CCSER1: variants seen among roughly 807,000 people sequenced by gnomAD.
The protein encoded by CCSER1 is serine-rich coiled-coil domain-containing protein 1.
CCSER1 carries 41 observed loss-of-function variants against 82.0 expected under a neutral mutation model. That is an observed-to-expected ratio of 0.50 (90% CI 0.39 to 0.65). CCSER1 has a LOEUF of 0.65. CCSER1 is among the 30% of genes least tolerant of loss of function. The pLI is 0.00. For synonymous variants in CCSER1, 414 were observed against 383.9 expected (o/e 1.08, Z -0.92); for missense variants, 1,119 against 1,064.2 (o/e 1.05, Z -0.72).
intron 9 of CCSER1, chr4:90,938,812 C>A: frequency 4.3e-6 from 1 of 232,248 alleles, no homozygotes. Flanking sequence ...TCAATTTTTT[C>A]ATCATTTCAT....
intron 1 of CCSER1, among the ~76,000 whole-genome samples, chr4:90,253,378 G>C (rs370313420): frequency 6.6e-6 from 1 of 152,112 alleles, no homozygotes; most frequent in Non-Finnish European, 1.5e-5. Context: ...TTCTTGAGAA[G>C]TAGATGTGCT....
At chr4:91,396,609 A>G (rs1751994261) in intron 10 of CCSER1, among the ~76,000 whole-genome samples, 1 of 152,048 alleles carries the variant, frequency 6.6e-6, no homozygotes, top group Non-Finnish European at 1.5e-5. Flanking sequence ...TTGTATTGTC[A>G]TAATTGAAGT....
intron 3 of CCSER1, among the ~76,000 whole-genome samples, chr4:90,377,088 A>G (rs1748456447): frequency 6.6e-6 from 1 of 152,032 alleles, no homozygotes; most frequent in African/African-American, 2.4e-5. Flanking sequence ...AAATGCTGTC[A>G]CTCTGGTTAT....
chr4:90,492,521 A>G (rs1768215923), intron 5 of CCSER1, among the ~76,000 whole-genome samples: 1 of 151,962 alleles, frequency 6.6e-6, no homozygotes, highest in East Asian at 1.9e-4. Flanking sequence ...TATCTCCTTC[A>G]GTTGTGCTCT....
intron 7 of CCSER1, among the ~76,000 whole-genome samples, chr4:90,785,225 A>C (rs1277783972): frequency 6.6e-6 from 1 of 151,896 alleles, no homozygotes; most frequent in African/African-American, 2.4e-5. Context: ...TTTTATGGAG[A>C]TGGGGTTTCA....
chr4:90,933,959 A>G (rs1458811888), intron 9 of CCSER1, among the ~76,000 whole-genome samples: 3 of 151,840 alleles, frequency 2.0e-5, no homozygotes, highest in African/African-American at 7.2e-5. Flanking sequence ...AATGGCACAT[A>G]TCCTTTAGAA....
intron 10 of CCSER1, among the ~76,000 whole-genome samples, chr4:91,468,512 A>C: frequency 6.6e-6 from 1 of 152,080 alleles, no homozygotes; most frequent in East Asian, 1.9e-4. Context: ...TTAAAAAAAA[A>C]AGGAAAAATA....
chr4:90,525,312 T>C (rs1773617550), intron 5 of CCSER1, among the ~76,000 whole-genome samples: 1 of 152,152 alleles, frequency 6.6e-6, no homozygotes, highest in African/African-American at 2.4e-5. Context: ...ATATAAACGA[T>C]AGCCAAATGC....
At chr4:90,653,453 A>C (rs1405044579) in intron 6 of CCSER1, among the ~76,000 whole-genome samples, 1 of 152,024 alleles carries the variant, frequency 6.6e-6, no homozygotes, top group Admixed American at 6.6e-5. Context: ...AAAAAATTTT[A>C]ATGAAACGTA....
intron 1 of CCSER1, among the ~76,000 whole-genome samples, chr4:90,181,196 A>G (rs1733669798): frequency 6.6e-6 from 1 of 152,088 alleles, no homozygotes. Flanking sequence ...CTGTGCATGT[A>G]CCCCCTGCAA....
intron 6 of CCSER1, among the ~76,000 whole-genome samples, chr4:90,637,124 G>A (rs760297940): frequency 1.2e-4 from 18 of 152,164 alleles, no homozygotes; most frequent in Non-Finnish European, 2.2e-4. Context: ...GGTTATGGCT[G>A]AAGGCGTCTC....
chr4:90,429,589 G>A (rs893122864), intron 4 of CCSER1, among the ~76,000 whole-genome samples: 5 of 151,786 alleles, frequency 3.3e-5, no homozygotes, highest in Non-Finnish European at 7.4e-5. Flanking sequence ...GAAAAATATT[G>A]TCAGAAAACT....
intron 3 of CCSER1, among the ~76,000 whole-genome samples, chr4:90,362,433 A>T (rs1684228984): frequency 6.6e-6 from 1 of 152,222 alleles, no homozygotes; most frequent in Admixed American, 6.5e-5. Flanking sequence ...TGTAAAAATG[A>T]TGCTAGTCAA....
intron 10 of CCSER1, among the ~76,000 whole-genome samples, chr4:91,530,503 G>T (rs1760973242): frequency 6.6e-6 from 1 of 151,872 alleles, no homozygotes; most frequent in South Asian, 2.1e-4. Flanking sequence ...AAGTTGTACT[G>T]CTCTGGCATT....
At chr4:90,441,927 T>C (rs1759945804) in intron 4 of CCSER1, among the ~76,000 whole-genome samples, 1 of 152,252 alleles carries the variant, frequency 6.6e-6, no homozygotes, top group Admixed American at 6.5e-5. Flanking sequence ...GCAAAGTTTG[T>C]CCTGTATGAC....
intron 10 of CCSER1, among the ~76,000 whole-genome samples, chr4:91,209,881 A>T (rs1445575890): frequency 6.6e-6 from 1 of 151,744 alleles, no homozygotes; most frequent in Non-Finnish European, 1.5e-5. Flanking sequence ...CTACATACAT[A>T]TACTCTATAT....
chr4:90,206,655 A>C (rs560988048), intron 1 of CCSER1, among the ~76,000 whole-genome samples: 186 of 152,118 alleles, frequency 1.2e-3, no homozygotes, highest in South Asian at 2.7e-3. Flanking sequence ...TGGTGCTGAG[A>C]AGAATGTATA....
intron 6 of CCSER1, among the ~76,000 whole-genome samples, chr4:90,713,928 C>G (rs1043578755): frequency 1.3e-5 from 2 of 151,938 alleles, no homozygotes; most frequent in South Asian, 4.1e-4. Flanking sequence ...TATGCTTGAT[C>G]TATTCTGCTA....
intron 1 of CCSER1, among the ~76,000 whole-genome samples, chr4:90,163,142 T>G (rs1729773350): frequency 6.6e-6 from 1 of 152,158 alleles, no homozygotes; most frequent in South Asian, 2.1e-4. Flanking sequence ...ATCTTTAAAT[T>G]TATGCTTTCT....
Sources: gnomAD v4.1 joint callset for allele counts (sites outside exome capture counted in the v4.1 genomes callset) on GRCh38, gnomAD v4.1.1 for gene constraint, MANE v1.5 for transcripts, NCBI Gene and HGNC (gene_info 2026-07-23, HGNC 2026-07-21) for gene names.